HS3ST5: variants seen among roughly 807,000 people sequenced by gnomAD.
HS3ST5 encodes heparan sulfate-glucosamine 3-sulfotransferase 5, also known as heparan sulfate glucosamine 3-O-sulfotransferase 5.
In HS3ST5, 10 loss-of-function variants were observed where a neutral mutation model predicts 25.4. That is an observed-to-expected ratio of 0.39 (90% CI 0.24 to 0.67). The LOEUF is 0.67. Among genes scored for constraint, HS3ST5 ranks in the 30% least tolerant of loss-of-function variants. The pLI, the probability that HS3ST5 is intolerant of heterozygous loss-of-function variation, is 0.44. For synonymous variants in HS3ST5, 170 were observed against 162.4 expected, an observed-to-expected ratio of 1.05 and a Z score of -0.36; for missense variants, 324 against 420.7, an observed-to-expected ratio of 0.77 and a Z score of 2.01.
chr6:114,333,618 T>A (rs1776491041), intron 1 of HS3ST5, among the ~76,000 whole-genome samples: 1 of 152,098 alleles, frequency 6.6e-6, no homozygotes, highest in Non-Finnish European at 1.5e-5. Flanking sequence ...AGAGAAAATC[T>A]GAAAATATTA....
At chr6:114,223,906 G>T (rs1421904162) in intron 2 of HS3ST5, among the ~76,000 whole-genome samples, 2 of 151,646 alleles carry the variant, frequency 1.3e-5, no homozygotes, top group South Asian at 2.1e-4. Flanking sequence ...TAAAAAATGG[G>T]TTATTTCTAT....
chr6:114,067,529 T>C (rs1216075334), intron 3 of HS3ST5, among the ~76,000 whole-genome samples: 1 of 152,208 alleles, frequency 6.6e-6, no homozygotes, highest in African/African-American at 2.4e-5. Flanking sequence ...CGCTTTATGA[T>C]AAACCCAGTT....
rs1233997901 is a variant in HS3ST5 at position 114,075,213 on chromosome 6, A to G, written c.-32-12336T>C. On this transcript the variant is annotated intron_variant, in intron 3 of 4. Transcript: ENST00000312719. ...TTAAACATAGAGCTTAGATCCTCTC[A>G]TGAGAGTTCAGGCGCATTCAGGGTG... 1.4e-4 allele frequency among the ~76,000 whole-genome samples: 22 copies of G among 152,342 alleles called. No homozygotes were observed. In the South Asian group the frequency reaches 3.7e-3, roughly 26 times the overall value.
intron 3 of HS3ST5, among the ~76,000 whole-genome samples, chr6:114,107,282 G>C (rs1251416103): frequency 1.3e-5 from 2 of 152,004 alleles, no homozygotes; most frequent in African/African-American, 2.4e-5. Flanking sequence ...GACTAAAAAA[G>C]AAAAACCATA....
At chr6:114,088,545 A>AT (rs1774963937) in intron 3 of HS3ST5, among the ~76,000 whole-genome samples, 1 of 152,040 alleles carries the variant, frequency 6.6e-6, no homozygotes, top group Non-Finnish European at 1.5e-5. Context: ...TTTATTGTAT[A>AT]TTTATCTTGT....
At chr6:114,254,504 T>C (rs1211047629) in intron 1 of HS3ST5, among the ~76,000 whole-genome samples, 4 of 151,904 alleles carry the variant, frequency 2.6e-5, no homozygotes, top group African/African-American at 4.8e-5. Context: ...GAGAGAGAAA[T>C]AGATGGTGTC....
chr6:114,116,982 A>G (rs966122256), intron 3 of HS3ST5, among the ~76,000 whole-genome samples: 1 of 152,032 alleles, frequency 6.6e-6, no homozygotes, highest in Non-Finnish European at 1.5e-5. Context: ...CCTTATTCCT[A>G]TTATTATAGG....
chr6:114,111,582 A>G (rs1047122400), intron 3 of HS3ST5, among the ~76,000 whole-genome samples: 6 of 152,046 alleles, frequency 3.9e-5, no homozygotes, highest in Non-Finnish European at 8.8e-5. Flanking sequence ...TTCTCACATA[A>G]CTAGTGCTGG....
chr6:114,194,101 A>G (rs952661654), intron 2 of HS3ST5, among the ~76,000 whole-genome samples: 1 of 152,174 alleles, frequency 6.6e-6, no homozygotes, highest in Non-Finnish European at 1.5e-5. Flanking sequence ...AGAGAATCAT[A>G]TTGAAAGAAA....
intron 1 of HS3ST5, among the ~76,000 whole-genome samples, chr6:114,309,050 C>T (rs777991432): frequency 3.7e-4 from 56 of 152,176 alleles, no homozygotes; most frequent in African/African-American, 1.1e-3. Context: ...TCATCTGGGA[C>T]GTCAATAATA....
chr6:114,338,471 CAAG>C lies in HS3ST5; in HGVS notation c.-339+3721_-339+3723del, dbSNP rs369700143. ...GACATAGCTTTCCTTCATAAAACTT[CAAG>C]AAGAAGAAAAATAATCTACTGGACC... On this transcript the variant is annotated intron_variant, in intron 1 of 4. Transcript: ENST00000312719. Among the ~76,000 whole-genome samples, 258 of 152,006 alleles carry C rather than the reference CAAG, an allele frequency of 1.7e-3. 2 individuals carry two copies. Among genetic ancestry groups the C allele is most frequent in the African/African-American group, 6.0e-3 (251 of 41,526 alleles).
chr6:114,095,476 A>G (rs1775373235), intron 3 of HS3ST5, among the ~76,000 whole-genome samples: 2 of 152,310 alleles, frequency 1.3e-5, no homozygotes, highest in South Asian at 4.1e-4. Context: ...GGAGGGAGGC[A>G]GCAGAATTAC....
At chr6:114,058,704 G>T (rs1427065192) in intron 4 of HS3ST5, 1 of 153,460 alleles carries the variant, frequency 6.5e-6, no homozygotes, top group Non-Finnish European at 1.5e-5. Flanking sequence ...TCTGCCCCGG[G>T]CTGTTTGCAT....
At chr6:114,108,805 T>C (rs1776117370) in intron 3 of HS3ST5, among the ~76,000 whole-genome samples, 1 of 152,190 alleles carries the variant, frequency 6.6e-6, no homozygotes, top group Non-Finnish European at 1.5e-5. Flanking sequence ...TCAAAACTTA[T>C]CAAATTGTAC....
chr6:114,252,660 C>T (rs891351445), intron 1 of HS3ST5, among the ~76,000 whole-genome samples: 1 of 151,772 alleles, frequency 6.6e-6, no homozygotes, highest in Admixed American at 6.6e-5. Flanking sequence ...AAGTCATCTA[C>T]CTATAAAGTC....
At chr6:114,192,111 CA>C (rs1158495623) in intron 2 of HS3ST5, among the ~76,000 whole-genome samples, 1 of 152,064 alleles carries the variant, frequency 6.6e-6, no homozygotes. Context: ...AATTAAGCAA[CA>C]AAATGGATGT....
intron 2 of HS3ST5, among the ~76,000 whole-genome samples, chr6:114,203,401 A>G (rs1781119554): frequency 6.6e-6 from 1 of 152,176 alleles, no homozygotes; most frequent in Non-Finnish European, 1.5e-5. Context: ...AAAGGCCACA[A>G]GGTTAGGATT....
chr6:114,083,860 C>T (rs1774607584), intron 3 of HS3ST5, among the ~76,000 whole-genome samples: 1 of 152,076 alleles, frequency 6.6e-6, no homozygotes, highest in African/African-American at 2.4e-5. Flanking sequence ...TCTGTAATAA[C>T]CTATGTTTCA....
intron 1 of HS3ST5, among the ~76,000 whole-genome samples, chr6:114,307,385 T>C (rs1463913469): frequency 2.0e-5 from 3 of 151,924 alleles, no homozygotes; most frequent in South Asian, 2.1e-4. Flanking sequence ...TAGTAATCTA[T>C]TGAAAATTAC....
Sources: gnomAD v4.1 joint callset for allele counts (sites outside exome capture counted in the v4.1 genomes callset) on GRCh38, gnomAD v4.1.1 for gene constraint, MANE v1.5 for transcripts, NCBI Gene and HGNC (gene_info 2026-07-23, HGNC 2026-07-21) for gene names.